The following MYH9 variants were observed in gnomAD, a reference collection of about 807,000 sequenced individuals.
The protein encoded by MYH9 is myosin heavy chain 9.
In MYH9, 29 loss-of-function variants were observed where a neutral mutation model predicts 241.9. The observed-to-expected ratio is 0.12, with a 90% confidence interval of 0.09 to 0.16. The LOEUF is 0.16. Ranked by LOEUF, MYH9 falls within the 10% of genes least tolerant of loss-of-function variation. MYH9 has a pLI of 1.00. For missense variants in MYH9, 1,803 were observed against 2,595.5 expected, an observed-to-expected ratio of 0.69 and a Z score of 6.63; for synonymous variants, 1,047 against 1,062.6, an observed-to-expected ratio of 0.99 and a Z score of 0.29.
Position 36,348,900 on chromosome 22 carries a change from T to G in MYH9, c.333+4A>C. The G allele has an allele frequency of 6.6e-7, 1 of 1,513,126 alleles. No individual in the cohort carries two copies. The highest frequency in any genetic ancestry group is 8.9e-7 in the Non-Finnish European group (1 of 1,126,950). The allele number at this position is 1,513,126 out of a possible 1,614,324, so 93.7% of individuals were successfully genotyped here. ...GCCTGCGGGGTGCCACGGCAGCCAC[T>G]TACGTAGATGAGCCCTGAGTAGTAA... On this transcript the variant is annotated splice_donor_region_variant and intron_variant, in intron 2 of 40. Coordinates refer to ENST00000216181, the MANE Select transcript of MYH9 (RefSeq NM_002473.6).
chr22:36,322,756 T>C (rs2017275298), intron 5 of MYH9, among the ~76,000 whole-genome samples: 1 of 152,204 alleles, frequency 6.6e-6, no homozygotes, highest in African/African-American at 2.4e-5. Flanking sequence ...CTTACTTCCA[T>C]GGCCCTGGAA....
intron 1 of MYH9, among the ~76,000 whole-genome samples, chr22:36,380,718 G>A (rs916504401): frequency 2.6e-5 from 4 of 151,974 alleles, no homozygotes; most frequent in African/African-American, 7.3e-5. Context: ...TCCAGCCTGG[G>A]CAACAGAGTG....
intron 19 of MYH9, among the ~76,000 whole-genome samples, chr22:36,303,577 G>C (rs1034376650): frequency 1.6e-4 from 24 of 151,890 alleles, no homozygotes; most frequent in Non-Finnish European, 2.9e-4. Context: ...GAGGTCAGGA[G>C]TTCGAGACCA....
At chr22:36,337,751 A>G (rs1311356249) in intron 3 of MYH9, among the ~76,000 whole-genome samples, 3 of 152,206 alleles carry the variant, frequency 2.0e-5, no homozygotes, top group Non-Finnish European at 4.4e-5. Context: ...GGCAGCATGC[A>G]CTAAGACTTC....
In MYH9 at chr22:36,320,882, A is replaced by G. The variant is rs2017239198; in HGVS notation, c.784T>C (p.Ser262Pro). 1 of 1,613,636 alleles carries G rather than the reference A, an allele frequency of 6.2e-7. No individual in the cohort carries two copies. Among genetic ancestry groups the G allele is most frequent in the African/African-American group, 1.3e-5 (1 of 74,964 alleles). ...ANIETYLLEK[S>P]RAIRQAKEER... ...TCCTTGGCTTGGCGGATAGCACGAG[A>G]TTTCTCCAAAAGATCTTTGCAAATA... Residue 262 changes from serine to proline, a missense_variant, in exon 8 of 41, where the codon TCT becomes CCT. Ser to Pro is a moderately conservative substitution (Grantham distance 74, BLOSUM62 -1). Coordinates refer to ENST00000216181, the MANE Select transcript of MYH9 (RefSeq NM_002473.6). This position sits in a 1 kb window ranked among gnomAD's most constrained non-coding sequence, Gnocchi z 4.8.
In MYH9 at chr22:36,293,787, G is replaced by C. The variant is rs141904682; in HGVS notation, c.3914C>G (p.Ala1305Gly). 1.2e-6 allele frequency: 2 copies of C among 1,613,712 alleles called. No individual in the cohort carries two copies. Among genetic ancestry groups the C allele is most frequent in the Non-Finnish European group, 1.7e-6 (2 of 1,180,000 alleles). Residue 1305 changes from alanine (A) to glycine (G), a missense_variant, in exon 29 of 41, where the codon GCG becomes GGG. Transcript: ENST00000216181. This position sits in a 1 kb window ranked among gnomAD's most constrained non-coding sequence, Gnocchi z 5.1. The stretch of plus-strand genomic sequence containing the variant: ...AGTGTCCTGCAGCTGGGACTCCAGC[G>C]CGGAGAAGTCCTTGGTGAGCTTGCT... ...KSSKLTKDFSALESQLQDTQE... is the reference protein window; with the variant it reads ...KSSKLTKDFSGLESQLQDTQE...
intron 12 of MYH9, among the ~76,000 whole-genome samples, 178 bp downstream of exon 12, chr22:36,316,339 C>A (rs2017150820): frequency 7.1e-6 from 1 of 140,962 alleles, no homozygotes; most frequent in Non-Finnish European, 1.6e-5. Context: ...CAGCCGAGAC[C>A]CTATCTTTTA....
At chr22:36,309,950 ATTT>A (rs1427041463) in intron 14 of MYH9, among the ~76,000 whole-genome samples, 4 of 152,118 alleles carry the variant, frequency 2.6e-5, no homozygotes, top group Admixed American at 6.5e-5. Context: ...CTTTTTTCTC[ATTT>A]TAAATAGAGA....
At chr22:36,360,460 T>C (rs1350051999) in intron 1 of MYH9, among the ~76,000 whole-genome samples, 1 of 152,052 alleles carries the variant, frequency 6.6e-6, no homozygotes, top group Non-Finnish European at 1.5e-5. Context: ...ACACCTGTAA[T>C]CCCAGCACTT....
At chr22:36,316,035 CTT>C (rs144026849) in intron 12 of MYH9, among the ~76,000 whole-genome samples, 4 of 116,966 alleles carry the variant, frequency 3.4e-5, no homozygotes, top group East Asian at 2.4e-4. Context: ...GAGACCCTGA[CTT>C]TTTTTTTTTT....
intron 3 of MYH9, 48 bp from the exon 4 acceptor site, chr22:36,327,536 T>TC: frequency 1.2e-6 from 2 of 1,611,336 alleles, no homozygotes; most frequent in South Asian, 2.2e-5. Flanking sequence ...TGCAAAAGCC[T>TC]CCCCACCTTG....
intron 3 of MYH9, among the ~76,000 whole-genome samples, chr22:36,328,448 C>T (rs1019792827): frequency 1.3e-5 from 2 of 152,208 alleles, no homozygotes; most frequent in African/African-American, 4.8e-5. Flanking sequence ...CCTCACCGTC[C>T]TTGAAGTCAA....
At chr22:36,339,087 T>G (rs1281654660) in intron 3 of MYH9, among the ~76,000 whole-genome samples, 1 of 152,212 alleles carries the variant, frequency 6.6e-6, no homozygotes, top group Non-Finnish European at 1.5e-5. Context: ...TTGTTGTTGT[T>G]GAACAAATAA....
At chr22:36,360,029 A>C (rs904710751) in intron 1 of MYH9, among the ~76,000 whole-genome samples, 1 of 145,500 alleles carries the variant, frequency 6.9e-6, no homozygotes, top group Admixed American at 7.1e-5. Flanking sequence ...AATGAGGACA[A>C]ACACCACCAC....
At chr22:36,356,072 G>A (rs1414171759) in intron 1 of MYH9, among the ~76,000 whole-genome samples, 2 of 152,154 alleles carry the variant, frequency 1.3e-5, no homozygotes, top group African/African-American at 4.8e-5. Context: ...GCACGCCAAG[G>A]CTTCAGTTCA....
chr22:36,326,772 G>T, intron 4 of MYH9, 111 bp from the exon 5 acceptor site: 1 of 906,248 alleles, frequency 1.1e-6, no homozygotes, highest in Non-Finnish European at 1.8e-6. Flanking sequence ...GCCCGTGAAG[G>T]ACCCAACGTG....
rs16996652 is a variant in MYH9, at chr22:36,300,203, A to G, written c.2900T>C (p.Val967Ala). 5 of 1,612,976 alleles carry G rather than the reference A, an allele frequency of 3.1e-6. No homozygotes were observed. Among genetic ancestry groups the G allele is most frequent in the East Asian group, 4.5e-5 (2 of 44,862 alleles). ...CTTTTTCAGCTTCGCCTCGGTGGTCACCTTCTCCAGCTGCAGCTTCTGCCG... is the reference window on the plus strand; with the variant it reads ...CTTTTTCAGCTTCGCCTCGGTGGTCGCCTTCTCCAGCTGCAGCTTCTGCCG... ...SARQKLQLEK[V>A]TTEAKLKKLE... Residue 967 changes from valine (V) to alanine (A), a missense_variant, in exon 23 of 41, where the codon GTG becomes GCG. This residue lies in a region of MYH9 where 290 missense variants were observed against 360.5 expected (regional missense o/e 0.80). Transcript: ENST00000216181. This position sits in a 1 kb window ranked among gnomAD's most constrained non-coding sequence, Gnocchi z 5.0.
rs2017725215 is a variant in MYH9, at chr22:36,349,013, A to G, written c.224T>C (p.Met75Thr). ...CACCTTGGAGAACTTGGGCGGGTTC[A>G]TCTTCTGGATGTCATCCTTGTTCAC... ...VKVNKDDIQKMNPPKFSKVED... is the reference protein window; with the variant it reads ...VKVNKDDIQKTNPPKFSKVED... Residue 75 changes from methionine (M) to threonine (T), a missense_variant, in exon 2 of 41, where the codon ATG becomes ACG. Met to Thr is a moderately conservative substitution (Grantham distance 81, BLOSUM62 -1). Coordinates refer to ENST00000216181, the MANE Select transcript of MYH9 (RefSeq NM_002473.6). 1.2e-6 allele frequency: 2 copies of G among 1,614,098 alleles called. No individual in the cohort carries two copies. Among genetic ancestry groups the G allele is most frequent in the East Asian group, 2.2e-5 (1 of 44,900 alleles).
chr22:36,294,947 C>T lies in MYH9; in HGVS notation c.3615G>A (p.Leu1205=), dbSNP rs778463190. The change falls in exon 27 of 41, where the codon CTG becomes CTA. Residue 1205 remains leucine (L), a synonymous_variant. Coordinates refer to ENST00000216181, the MANE Select transcript of MYH9 (RefSeq NM_002473.6). ...SQAVEELAEQ[L]EQTKRVKANL... ...GGCTCCGCACCCGCTTCGTCTGCTC[C>T]AGCTGCTCCGCCAGCTCCTCCACGG... is the stretch of plus-strand genomic sequence containing the variant. 1.2e-6 allele frequency: 2 copies of T among 1,613,788 alleles called. No individual in the cohort carries two copies. Among genetic ancestry groups the T allele is most frequent in the South Asian group, 1.1e-5 (1 of 91,088 alleles).
Sources: gnomAD v4.1 joint callset for allele counts (sites outside exome capture counted in the v4.1 genomes callset) on GRCh38, gnomAD v4.1.1 for gene constraint, gnomAD v4.1.1 regional missense constraint, Gnocchi (gnomAD v3.1) non-coding constraint, MANE v1.5 for transcripts, NCBI Gene and HGNC (gene_info 2026-07-23, HGNC 2026-07-21) for gene names.